Variants in RABGAP1L observed in about 807,000 individuals in gnomAD.
RABGAP1L encodes the protein RAB GTPase activating protein 1 like.
A neutral mutation model predicts 137.7 loss-of-function variants in RABGAP1L; 63 were observed. The observed-to-expected ratio is 0.46, with a 90% CI of 0.37 to 0.56. RABGAP1L has a LOEUF of 0.56. RABGAP1L is among the 20% of genes least tolerant of loss of function. The pLI, the probability that RABGAP1L is intolerant of heterozygous loss-of-function variation, is 0.00. For synonymous variants in RABGAP1L, 431 were observed against 433.7 expected (o/e 0.99, Z 0.08); for missense variants, 1,095 against 1,244.0 (o/e 0.88, Z 1.80).
intron 14 of RABGAP1L, among the ~76,000 whole-genome samples, chr1:174,638,388 C>T (rs1674235662): frequency 6.6e-6 from 1 of 152,098 alleles, no homozygotes; most frequent in African/African-American, 2.4e-5. Flanking sequence ...CTCACTTCTC[C>T]AGCATTTAAG....
chr1:174,462,330 C>T (rs370095136), intron 13 of RABGAP1L, among the ~76,000 whole-genome samples: 141 of 152,222 alleles, frequency 9.3e-4, no homozygotes, highest in African/African-American at 3.1e-3. Flanking sequence ...TTCAATAAAT[C>T]TATACATCTG....
At chr1:174,200,508 A>G (rs1450763615) in intron 1 of RABGAP1L, among the ~76,000 whole-genome samples, 21 of 152,264 alleles carry the variant, frequency 1.4e-4, no homozygotes. Flanking sequence ...ATAAACCTAT[A>G]GAATAATCAT....
intron 19 of RABGAP1L, among the ~76,000 whole-genome samples, chr1:174,818,172 G>A (rs1215719762): frequency 3.9e-5 from 6 of 152,152 alleles, no homozygotes; most frequent in Non-Finnish European, 7.4e-5. Context: ...TTCTTATAGC[G>A]GAGTATATAC....
intron 19 of RABGAP1L, among the ~76,000 whole-genome samples, chr1:174,920,243 A>C (rs2149224612): frequency 6.6e-6 from 1 of 152,360 alleles, no homozygotes; most frequent in Non-Finnish European, 1.5e-5. Flanking sequence ...GAGAAGTCAC[A>C]GTTCTACCTG....
intron 13 of RABGAP1L, among the ~76,000 whole-genome samples, chr1:174,464,622 G>A (rs1304626302): frequency 6.6e-6 from 1 of 151,262 alleles, no homozygotes; most frequent in African/African-American, 2.4e-5. Context: ...TTATAGCCCT[G>A]TCTGTTTAAT....
At chr1:174,313,463 C>T (rs1679057357) in intron 11 of RABGAP1L, among the ~76,000 whole-genome samples, 1 of 152,120 alleles carries the variant, frequency 6.6e-6, no homozygotes, top group African/African-American at 2.4e-5. Flanking sequence ...ATATCTTTGT[C>T]CTGTCTCATT....
intron 13 of RABGAP1L, among the ~76,000 whole-genome samples, chr1:174,614,719 C>G (rs964771172): frequency 1.2e-4 from 18 of 152,218 alleles, no homozygotes; most frequent in South Asian, 2.1e-4. Context: ...GTACACCAAT[C>G]AGACGTAGAT....
At chr1:174,453,719 G>A (rs755050211) in intron 13 of RABGAP1L, among the ~76,000 whole-genome samples, 5 of 152,032 alleles carry the variant, frequency 3.3e-5, no homozygotes, top group African/African-American at 4.8e-5. Context: ...TAGATATTGA[G>A]GAAAACAAAA....
At chr1:174,661,679 T>G (rs948168523) in intron 14 of RABGAP1L, among the ~76,000 whole-genome samples, 1 of 152,196 alleles carries the variant, frequency 6.6e-6, no homozygotes, top group African/African-American at 2.4e-5. Context: ...GTTTTGGATA[T>G]GGCTGTGTGT....
At chr1:174,256,510 C>T (rs954939650) in intron 7 of RABGAP1L, among the ~76,000 whole-genome samples, 5 of 152,232 alleles carry the variant, frequency 3.3e-5, no homozygotes, top group East Asian at 1.9e-4. Flanking sequence ...ATGCTGGGCG[C>T]GGTGGCTCAC....
chr1:174,647,076 G>T (rs1360681711), intron 14 of RABGAP1L, among the ~76,000 whole-genome samples: 1 of 152,174 alleles, frequency 6.6e-6, no homozygotes, highest in East Asian at 1.9e-4. Flanking sequence ...AGACTTTGCT[G>T]AAGGTGCTTA....
chr1:174,579,351 G>C (rs1668580801), intron 13 of RABGAP1L, among the ~76,000 whole-genome samples: 1 of 152,136 alleles, frequency 6.6e-6, no homozygotes. Context: ...GAATGGCAAA[G>C]GGGAGTCCAC....
At chr1:174,884,185 A>T (rs1322673294) in intron 19 of RABGAP1L, among the ~76,000 whole-genome samples, 1 of 152,192 alleles carries the variant, frequency 6.6e-6, no homozygotes, top group Non-Finnish European at 1.5e-5. Flanking sequence ...CACTGACAGA[A>T]ACCAAAATAG....
intron 14 of RABGAP1L, among the ~76,000 whole-genome samples, chr1:174,662,884 T>C (rs1247371731): frequency 2.0e-5 from 3 of 151,722 alleles, no homozygotes; most frequent in African/African-American, 7.3e-5. Flanking sequence ...AACAAATAAA[T>C]GAAAAAATTT....
chr1:174,665,315 TCTGC>T lies in RABGAP1L; in HGVS notation c.1825-18188_1825-18185del, dbSNP rs747716450. ...ATTATTTAATTTTTTAGTGCCTTAG[TCTGC>T]CTGCCTGCCTGCCTGCCTTCCTTCC... On this transcript the variant is annotated intron_variant, in intron 14 of 25. Transcript: ENST00000681986. Among the ~76,000 whole-genome samples the T allele has an allele frequency of 1.2e-3, 185 of 152,098 alleles. 1 individual carries two copies. Among genetic ancestry groups the T allele is most frequent in the South Asian group, 5.4e-3 (26 of 4,814 alleles).
At position 174,241,665 on chromosome 1, in the gene RABGAP1L, T is replaced by C. The variant is rs763990799; in HGVS notation, c.717+8T>C. Reference sequence around the variant, plus strand: ...TGTGAAATTAAAGAGGCAGTAAGTATAATATAGTATAGCAATTTGCTATAG... The same window carrying C: ...TGTGAAATTAAAGAGGCAGTAAGTACAATATAGTATAGCAATTTGCTATAG... On this transcript the variant is annotated splice_region_variant and intron_variant, in intron 5 of 25. Coordinates refer to ENST00000681986, the MANE Select transcript of RABGAP1L (RefSeq NM_001366446.1). 3 of 1,596,452 alleles carry C rather than the reference T, an allele frequency of 1.9e-6. No individual in the cohort carries two copies. The highest frequency in any genetic ancestry group is 1.3e-5 in the African/African-American group (1 of 74,268).
Position 174,326,602 on chromosome 1 carries a change from G to A in RABGAP1L, c.1465+21475G>A, listed in dbSNP as rs557817395. 4.9e-4 allele frequency among the ~76,000 whole-genome samples: 74 copies of A among 152,256 alleles called. No individual in the cohort carries two copies. The South Asian group carries it at 0.015, about 31-fold the overall frequency. ...GCAAATCTGTGTATCATTGATGTTC[G>A]AGAGGGACTGGAGTAGGGGAAGGGG... On this transcript the variant is annotated intron_variant, in intron 11 of 25. Coordinates refer to ENST00000681986, the MANE Select transcript of RABGAP1L (RefSeq NM_001366446.1).
At chr1:174,781,587 A>T (rs1687012261) in intron 18 of RABGAP1L, among the ~76,000 whole-genome samples, 1 of 152,058 alleles carries the variant, frequency 6.6e-6, no homozygotes, top group South Asian at 2.1e-4. Context: ...CCCATCTGTC[A>T]ATTTTGGCTT....
At chr1:174,780,842 C>T (rs12021614) in intron 18 of RABGAP1L, among the ~76,000 whole-genome samples, 92,552 of 148,166 alleles carry the variant, frequency 0.62, 32,262 homozygotes, top group East Asian at 0.93. Context: ...GTTCTTGCGA[C>T]AGTTTGCTGA....
Sources: gnomAD v4.1 joint callset for allele counts (sites outside exome capture counted in the v4.1 genomes callset) on GRCh38, gnomAD v4.1.1 for gene constraint, MANE v1.5 for transcripts, NCBI Gene and HGNC (gene_info 2026-07-23, HGNC 2026-07-21) for gene names.